Variants in FBH1 observed in about 807,000 individuals in gnomAD.
The protein encoded by FBH1 is DNA 3'-5' helicase 1.
FBH1 carries 43 observed loss-of-function variants against 115.5 expected under a neutral mutation model. The ratio of observed to expected loss-of-function variants is 0.37; its 90% CI spans 0.29 to 0.48. The LOEUF (loss-of-function observed/expected upper bound fraction) is 0.48, where lower values mean the gene tolerates loss of function less well. Among genes scored for constraint, FBH1 ranks in the 20% least tolerant of loss-of-function variants. The probability of loss-of-function intolerance (pLI) is 0.99; values close to 1 mark genes in which losing one functional copy is unlikely to be tolerated. For synonymous variants in FBH1, 524 were observed against 507.8 expected (o/e 1.03, Z -0.43); for missense variants, 1,001 against 1,337.3 (o/e 0.75, Z 3.92).
chr10:5,891,485 T>C (rs1379123185), intron 1 of FBH1, among the ~76,000 whole-genome samples: 1 of 152,246 alleles, frequency 6.6e-6, no homozygotes, highest in Non-Finnish European at 1.5e-5. Flanking sequence ...ATCTGGTAGC[T>C]TCATGCTTTT....
In FBH1 at chr10:5,936,476, G is replaced by A; in HGVS notation, c.2850G>A (p.Glu950=). The A allele has an allele frequency of 6.2e-7, 1 of 1,613,908 alleles. No homozygotes were observed. The highest frequency in any genetic ancestry group is 8.5e-7 in the Non-Finnish European group (1 of 1,179,926). The change falls in exon 20 of 21, where the codon GAG becomes GAA. Residue 950 remains glutamate, a synonymous_variant. Transcript: ENST00000362091. This position sits in a 1 kb window ranked among gnomAD's most constrained non-coding sequence, Gnocchi z 5.6. ...CTCAGGAGTACTTCTTGCAAGCAGA[G>A]CTGACAAGCAACGTCTTAAAAACAG... ...TLAGEYFLQA[E]LTSNVLKTGV... is the part of the protein sequence containing the mutation.
At chr10:5,904,572 T>C (rs1185665726) in intron 2 of FBH1, among the ~76,000 whole-genome samples, 1 of 152,184 alleles carries the variant, frequency 6.6e-6, no homozygotes, top group African/African-American at 2.4e-5. Context: ...ATACCAGGAT[T>C]TGGCTGGGAG....
chr10:5,903,486 A>C (rs1291995436), intron 2 of FBH1, among the ~76,000 whole-genome samples: 1 of 72,932 alleles, frequency 1.4e-5, no homozygotes, highest in Non-Finnish European at 2.8e-5. Context: ...GCGTGCCACC[A>C]CCCCCAGCTA....
intron 1 of FBH1, chr10:5,894,321 T>G: frequency 6.6e-7 from 1 of 1,522,766 alleles, no homozygotes; most frequent in Non-Finnish European, 8.8e-7. Flanking sequence ...ATTTCTTTGG[T>G]TCTGACATTT....
At chr10:5,922,184 T>C (rs1393110649) in intron 15 of FBH1, among the ~76,000 whole-genome samples, 2 of 152,246 alleles carry the variant, frequency 1.3e-5, no homozygotes, top group Non-Finnish European at 1.5e-5. Context: ...GTGAATATAG[T>C]AGTGAATCAT....
chr10:5,908,427 C>T (rs1232437139), intron 3 of FBH1, among the ~76,000 whole-genome samples: 1 of 152,154 alleles, frequency 6.6e-6, no homozygotes, highest in Non-Finnish European at 1.5e-5. Flanking sequence ...TTCCCAGATT[C>T]TTTAACTATA....
Position 5,906,284 on chromosome 10 carries a change from C to A in FBH1, c.405C>A (p.Thr135=). The A allele has an allele frequency of 6.2e-7, 1 of 1,614,116 alleles. No homozygotes were observed. Among genetic ancestry groups the A allele is most frequent in the Non-Finnish European group, 8.5e-7 (1 of 1,180,024 alleles). ...WSSEEESNQA[T]GTSRWDGVSK... ...CTGAGGAAGAGAGTAACCAGGCTACCGGGACCAGCCGGTGGGATGGAGTTT... is the reference window on the plus strand; with the variant it reads ...CTGAGGAAGAGAGTAACCAGGCTACAGGGACCAGCCGGTGGGATGGAGTTT... The change falls in exon 3 of 21, where the codon ACC becomes ACA. Residue 135 remains threonine, a synonymous_variant. Coordinates refer to ENST00000362091, the MANE Select transcript of FBH1 (RefSeq NM_178150.3). This position sits in a 1 kb window ranked among gnomAD's most constrained non-coding sequence, Gnocchi z 7.3.
Position 5,916,249 on chromosome 10 carries a change from G to A in FBH1, c.1581G>A (p.Lys527=). ...GHIGRKYQSK[K]KLNLFKLTPF... is the part of the protein sequence containing the mutation. ...GGTATTGCAGGTACCAGTCAAAGAA[G>A]AAGTTGAATCTCTTCAAGTTAACAC... The change falls in exon 10 of 21, where the codon AAG becomes AAA. Residue 527 remains lysine, a synonymous_variant. Transcript: ENST00000362091. The A allele has an allele frequency of 6.2e-7, 1 of 1,614,198 alleles. No homozygotes were observed. Among genetic ancestry groups the A allele is most frequent in the Non-Finnish European group, 8.5e-7 (1 of 1,180,044 alleles).
Position 5,924,571 on chromosome 10 carries a change from T to C in FBH1, c.2596+63T>C. ...GGAGGAACAGATGGTCTTCTGCTGT[T>C]CTTTTTTTTTTTTTGAGACAGAGTA... On this transcript the variant is annotated intron_variant, in intron 17 of 20. Coordinates refer to ENST00000362091, the MANE Select transcript of FBH1 (RefSeq NM_178150.3). The surrounding 1 kb of genome is among the most constrained non-coding windows in gnomAD (Gnocchi z 6.2). 6.6e-7 allele frequency: 1 copy of C among 1,504,234 alleles called. No individual in the cohort carries two copies. The highest frequency in any genetic ancestry group is 1.2e-5 in the South Asian group (1 of 83,220). 93.2% of individuals were successfully genotyped at this position (1,504,234 alleles called of 1,614,324 possible). A position where few individuals can be genotyped will look rare whatever the true frequency, so the allele number is the denominator to read the frequency against.
Position 5,935,022 on chromosome 10 carries a change from G to A in FBH1, c.2830-1434G>A, listed in dbSNP as rs1276704692. 6.6e-6 allele frequency: 1 copy of A among 152,174 alleles called. No homozygotes were observed. 9.4% of individuals were successfully genotyped at this position (152,174 alleles called of 1,614,324 possible). Reference sequence around the variant, plus strand: ...CAGTTAATCTGGTGGGTTATGAGAGGCTTAAAAAGAGTTAAATGGCATAAA... The same window carrying A: ...CAGTTAATCTGGTGGGTTATGAGAGACTTAAAAAGAGTTAAATGGCATAAA... On this transcript the variant is annotated intron_variant, in intron 19 of 20. Transcript: ENST00000362091. The surrounding 1 kb of genome is among the most constrained non-coding windows in gnomAD (Gnocchi z 5.2).
intron 18 of FBH1, 61 bp from the exon 19 acceptor site, chr10:5,927,374 A>T (rs1832717254): frequency 1.4e-5 from 17 of 1,248,530 alleles, no homozygotes; most frequent in Non-Finnish European, 1.8e-5. Flanking sequence ...GATGAGACAT[A>T]AGGTTTTGTA....
intron 2 of FBH1, among the ~76,000 whole-genome samples, chr10:5,904,753 C>A (rs1313598391): frequency 6.6e-6 from 1 of 152,060 alleles, no homozygotes; most frequent in African/African-American, 2.4e-5. Flanking sequence ...TAACCCTGAT[C>A]ATATGGATTT....
rs1832425226 is a variant in FBH1 at position 5,923,381 on chromosome 10, A to G, written c.2323-240A>G. Among the ~76,000 whole-genome samples the G allele has an allele frequency of 6.6e-6, 1 of 152,134 alleles. No homozygotes were observed. The stretch of plus-strand genomic sequence containing the variant: ...GGAAGAGTTTGAGGTAGCAGCTGTA[A>G]CTTAGAATGTGGTCCCTGTGAGTGT... On this transcript the variant is annotated intron_variant, in intron 15 of 20. Coordinates refer to ENST00000362091, the MANE Select transcript of FBH1 (RefSeq NM_178150.3). This position sits in a 1 kb window ranked among gnomAD's most constrained non-coding sequence, Gnocchi z 5.7.
Position 5,936,652 on chromosome 10 carries a change from T to A in FBH1, c.2961+65T>A. 1 of 1,592,224 alleles carries A rather than the reference T, an allele frequency of 6.3e-7. No individual in the cohort carries two copies. Among genetic ancestry groups the A allele is most frequent in the Admixed American group, 1.7e-5 (1 of 59,684 alleles). ...ATTTTTTGCTTGTGAGCTCTGTGCT[T>A]ATCTGGGTTGTAGGTGAGGAGATAA... On this transcript the variant is annotated intron_variant, in intron 20 of 20. Transcript: ENST00000362091. The surrounding 1 kb of genome is among the most constrained non-coding windows in gnomAD (Gnocchi z 5.6).
In FBH1 at chr10:5,915,596, A is replaced by G. The variant is rs1414953748; in HGVS notation, c.1565+25A>G. 6.2e-7 allele frequency: 1 copy of G among 1,610,246 alleles called. No homozygotes were observed. Among genetic ancestry groups the G allele is most frequent in the Non-Finnish European group, 8.5e-7 (1 of 1,176,934 alleles). ...AGTGAGTACTGCTGTCACTAGTGGC[A>G]CTGTTGCTGCTGGCACGGTCGCGTC... On this transcript the variant is annotated intron_variant, in intron 9 of 20. Transcript: ENST00000362091. The surrounding 1 kb of genome is among the most constrained non-coding windows in gnomAD (Gnocchi z 5.2).
At chr10:5,894,898 A>C (rs1184856806) in intron 1 of FBH1, among the ~76,000 whole-genome samples, 4 of 152,242 alleles carry the variant, frequency 2.6e-5, no homozygotes, top group African/African-American at 9.6e-5. Context: ...ACACATGTTA[A>C]ATGCACACTT....
chr10:5,911,187 C>T lies in FBH1; in HGVS notation c.1211+59C>T, dbSNP rs952086964. On this transcript the variant is annotated intron_variant, in intron 6 of 20. Coordinates refer to ENST00000362091, the MANE Select transcript of FBH1 (RefSeq NM_178150.3). The surrounding 1 kb of genome is among the most constrained non-coding windows in gnomAD (Gnocchi z 5.4). ...GATAATGGGAGAGTCCCAGACACAG[C>T]AGCAGGTCCAGCCCTGCCACTTAGC... 2.0e-6 allele frequency: 3 copies of T among 1,512,282 alleles called. No homozygotes were observed. The African/African-American group carries it at 4.1e-5, about 21-fold the overall frequency. The allele number at this position is 1,512,282 out of a possible 1,614,324, so 93.7% of individuals were successfully genotyped here. A position where few individuals can be genotyped will look rare whatever the true frequency, so the allele number is the denominator to read the frequency against.
chr10:5,934,981 T>C (rs771671762), intron 19 of FBH1: 1 of 152,166 alleles, frequency 6.6e-6, no homozygotes, highest in Non-Finnish European at 1.5e-5. Context: ...ACCCCTTAAA[T>C]TTATATAAAT....
In FBH1 at chr10:5,914,193, A is replaced by G. The variant is rs1831784008; in HGVS notation, c.1320A>G (p.Gln440=). 6.2e-7 allele frequency: 1 copy of G among 1,614,198 alleles called. No homozygotes were observed. The highest frequency in any genetic ancestry group is 8.5e-7 in the Non-Finnish European group (1 of 1,180,028). Residue 440 remains glutamine, a synonymous_variant, in exon 8 of 21, where the codon CAA becomes CAG. Coordinates refer to ENST00000362091, the MANE Select transcript of FBH1 (RefSeq NM_178150.3). The surrounding 1 kb of genome is among the most constrained non-coding windows in gnomAD (Gnocchi z 5.2). ...ATGATTATAGCAAGAAAACCATCCAACTTACACATGAACAACAGCTGATTC... is the reference window on the plus strand; with the variant it reads ...ATGATTATAGCAAGAAAACCATCCAGCTTACACATGAACAACAGCTGATTC... ...PSVWPGKKTI[Q]LTHEQQLILN...
Sources: allele counts gnomAD v4.1 joint callset (sites outside exome capture counted in the v4.1 genomes callset), GRCh38; gene constraint gnomAD v4.1.1; non-coding constraint Gnocchi (gnomAD v3.1); transcripts MANE v1.5; gene names NCBI Gene and HGNC (gene_info 2026-07-23, HGNC 2026-07-21).